Variants in RNF150 observed in about 807,000 individuals in gnomAD.
RNF150 encodes ring finger protein 150.
RNF150 carries 24 observed loss-of-function variants against 39.3 expected under a neutral mutation model. The ratio of observed to expected loss-of-function variants is 0.61; its 90% CI spans 0.44 to 0.86. RNF150 has a LOEUF of 0.86. Among genes scored for constraint, RNF150 ranks in the 40% least tolerant of loss-of-function variants. RNF150 has a pLI of 0.00. For missense variants in RNF150, 502 were observed against 587.8 expected (o/e 0.85, Z 1.51); for synonymous variants, 255 against 227.3 (o/e 1.12, Z -1.10).
intron 1 of RNF150, among the ~76,000 whole-genome samples, chr4:141,100,023 G>A (rs1207698056): frequency 6.6e-6 from 1 of 152,098 alleles, no homozygotes; most frequent in East Asian, 1.9e-4. Context: ...AAGATCTCCT[G>A]ATAACTGATA....
intron 4 of RNF150, among the ~76,000 whole-genome samples, chr4:140,945,691 T>A (rs562970160): frequency 1.3e-5 from 2 of 150,778 alleles, no homozygotes; most frequent in South Asian, 4.2e-4. Flanking sequence ...TAAACTATTT[T>A]ATACTGTATC....
chr4:141,103,913 C>T (rs1039992170), intron 1 of RNF150, among the ~76,000 whole-genome samples: 1 of 152,088 alleles, frequency 6.6e-6, no homozygotes, highest in African/African-American at 2.4e-5. Flanking sequence ...TCTAGGAATG[C>T]CCATTTAATT....
chr4:141,111,002 C>T (rs1160173582), intron 1 of RNF150, among the ~76,000 whole-genome samples: 2 of 152,040 alleles, frequency 1.3e-5, no homozygotes, highest in African/African-American at 4.8e-5. Context: ...GTTGAGAACC[C>T]ATCTAGGAGG....
chr4:140,909,119 A>G (rs576560956), intron 6 of RNF150, among the ~76,000 whole-genome samples: 90 of 152,318 alleles, frequency 5.9e-4, no homozygotes, highest in African/African-American at 1.9e-3. Flanking sequence ...ACCACCTGGT[A>G]CACCAAAAAG....
Position 141,064,767 on chromosome 4 carries a change from C to G in RNF150, c.484+67558G>C, listed in dbSNP as rs542274009. Among the ~76,000 whole-genome samples the G allele has an allele frequency of 1.6e-4, 25 of 152,092 alleles. 1 individual carries two copies. In the South Asian group the frequency reaches 3.7e-3, roughly 23 times the overall value. ...GGTATCACTGAAGGGAGAGGTAGTA[C>G]CCCTTCAAGCGCTATTTGTTGAATT... On this transcript the variant is annotated intron_variant, in intron 1 of 6. Coordinates refer to ENST00000515673, the MANE Select transcript of RNF150 (RefSeq NM_020724.2).
At chr4:140,879,766 C>T (rs1729304737) in intron 6 of RNF150, among the ~76,000 whole-genome samples, 1 of 152,002 alleles carries the variant, frequency 6.6e-6, no homozygotes, top group South Asian at 2.1e-4. Flanking sequence ...CTCCAGTGAG[C>T]TGTGATTGTG....
At chr4:141,152,663 C>T (rs2111143513) in intron 1 of RNF150, among the ~76,000 whole-genome samples, 1 of 152,248 alleles carries the variant, frequency 6.6e-6, no homozygotes, top group South Asian at 2.1e-4. Context: ...GGGCTCACTC[C>T]TAATTTTATC....
intron 1 of RNF150, among the ~76,000 whole-genome samples, chr4:141,150,089 G>T (rs146232621): frequency 6.6e-6 from 1 of 152,092 alleles, no homozygotes; most frequent in Non-Finnish European, 1.5e-5. Context: ...TAAAATCATA[G>T]CATCATTTGC....
At chr4:141,185,011 C>A (rs1051745801) in intron 1 of RNF150, among the ~76,000 whole-genome samples, 1 of 18,174 alleles carries the variant, frequency 5.5e-5, no homozygotes, top group African/African-American at 6.5e-5. Flanking sequence ...TATACAGGCT[C>A]ATTTTTTTTT....
chr4:140,932,322 G>A (rs550402142), intron 4 of RNF150, among the ~76,000 whole-genome samples: 1 of 152,288 alleles, frequency 6.6e-6, no homozygotes, highest in South Asian at 2.1e-4. Flanking sequence ...AATGCTGACA[G>A]TATCTACCAG....
chr4:141,059,578 CTT>C (rs1344550373), intron 1 of RNF150, among the ~76,000 whole-genome samples: 1 of 151,702 alleles, frequency 6.6e-6, no homozygotes, highest in Non-Finnish European at 1.5e-5. Context: ...GCAGTAATTT[CTT>C]TCCTAACATT....
intron 1 of RNF150, among the ~76,000 whole-genome samples, chr4:141,197,144 AT>A (rs935006807): frequency 2.0e-5 from 3 of 152,160 alleles, no homozygotes; most frequent in Non-Finnish European, 2.9e-5. Context: ...CCAGGCTGAA[AT>A]TTTTATTTTA....
At chr4:140,945,197 A>T (rs1272213541) in intron 4 of RNF150, among the ~76,000 whole-genome samples, 1 of 152,204 alleles carries the variant, frequency 6.6e-6, no homozygotes. Context: ...TCGTTTAAAC[A>T]AGGAGGAGCC....
Position 141,010,146 on chromosome 4 carries a change from A to T in RNF150, c.485-42273T>A, listed in dbSNP as rs114753210. On this transcript the variant is annotated intron_variant, in intron 1 of 6. Coordinates refer to ENST00000515673, the MANE Select transcript of RNF150 (RefSeq NM_020724.2). ...AAAGTGGCTTCAATACTGGCATGAA[A>T]ATACTTGGGCTAACTGGAACAAGTG... Among the ~76,000 whole-genome samples, 547 of 152,364 alleles carry T rather than the reference A, an allele frequency of 3.6e-3. 2 individuals carry two copies. The highest frequency in any genetic ancestry group is 0.012 in the African/African-American group (502 of 41,580).
At chr4:141,142,427 A>C (rs1727132389) in intron 1 of RNF150, among the ~76,000 whole-genome samples, 2 of 152,168 alleles carry the variant, frequency 1.3e-5, no homozygotes, top group Non-Finnish European at 2.9e-5. Context: ...TCCTGTCGGC[A>C]CACAGACAGG....
intron 1 of RNF150, among the ~76,000 whole-genome samples, chr4:141,172,171 G>A (rs769177778): frequency 6.6e-5 from 10 of 152,092 alleles, no homozygotes; most frequent in African/African-American, 1.4e-4. Context: ...GGGGCAGCTC[G>A]GTGGCTCTGC....
At chr4:141,093,777 A>C (rs372966583) in intron 1 of RNF150, among the ~76,000 whole-genome samples, 1 of 152,326 alleles carries the variant, frequency 6.6e-6, no homozygotes, top group African/African-American at 2.4e-5. Context: ...AACACAGAAA[A>C]ATACAAGCCT....
At chr4:140,976,720 C>T (rs1417577031) in intron 1 of RNF150, among the ~76,000 whole-genome samples, 1 of 151,966 alleles carries the variant, frequency 6.6e-6, no homozygotes, top group Non-Finnish European at 1.5e-5. Context: ...CCATGATCCA[C>T]CATTATAAAC....
chr4:140,896,609 G>C (rs1314722058), intron 6 of RNF150, among the ~76,000 whole-genome samples: 1 of 102,750 alleles, frequency 9.7e-6, no homozygotes, highest in East Asian at 3.0e-4. Context: ...AGTGGGTGCA[G>C]CGCACCAGCA....
Sources: gnomAD v4.1 joint callset for allele counts (sites outside exome capture counted in the v4.1 genomes callset) on GRCh38, gnomAD v4.1.1 for gene constraint, MANE v1.5 for transcripts, NCBI Gene and HGNC (gene_info 2026-07-23, HGNC 2026-07-21) for gene names.